Variants in GSK3B observed in about 807,000 individuals in gnomAD.
GSK3B encodes glycogen synthase kinase 3 beta.
In GSK3B, 15 loss-of-function variants were observed where a neutral mutation model predicts 56.4. The ratio of observed to expected loss-of-function variants is 0.27; its 90% CI spans 0.18 to 0.41. The LOEUF (loss-of-function observed/expected upper bound fraction) is 0.41. Ranked by LOEUF, GSK3B falls within the 10% of genes least tolerant of loss-of-function variation. The pLI is 1.00. For synonymous variants in GSK3B, 181 were observed against 188.9 expected (o/e 0.96, Z 0.34); for missense variants, 300 against 513.4 (o/e 0.58, Z 4.02).
chr3:119,967,266 C>T (rs977322167), intron 2 of GSK3B, among the ~76,000 whole-genome samples: 6 of 152,040 alleles, frequency 3.9e-5, no homozygotes, highest in African/African-American at 7.2e-5. Context: ...TTAGTAGAGA[C>T]GGAGTTTCAC....
intron 2 of GSK3B, among the ~76,000 whole-genome samples, chr3:119,952,487 CAAA>C (rs59526500): frequency 2.1e-5 from 2 of 96,222 alleles, no homozygotes; most frequent in Admixed American, 1.1e-4. Context: ...GACTCTGTCT[CAAA>C]AAAAAAAAAA....
intron 1 of GSK3B, among the ~76,000 whole-genome samples, chr3:120,082,320 C>T (rs564096666): frequency 2.0e-5 from 3 of 147,840 alleles, no homozygotes; most frequent in African/African-American, 7.5e-5. Flanking sequence ...CTGTCCAATA[C>T]AATAACCACT....
In GSK3B at chr3:119,921,142, A is replaced by G. The variant is rs181267736; in HGVS notation, c.477+2231T>C. ...ACATAAGATACTTTAAAACAACAAA[A>G]CACCTCATTCATTGGTACCTATGGA... On this transcript the variant is annotated intron_variant, in intron 4 of 10. Coordinates refer to ENST00000264235, the MANE Select transcript of GSK3B (RefSeq NM_001146156.2). Among the ~76,000 whole-genome samples the G allele has an allele frequency of 3.9e-5, 6 of 152,348 alleles. No individual in the cohort carries two copies. In the East Asian group the frequency reaches 7.7e-4, roughly 20 times the overall value.
chr3:119,999,808 G>C (rs1421045786), intron 2 of GSK3B, among the ~76,000 whole-genome samples: 1 of 152,182 alleles, frequency 6.6e-6, no homozygotes. Context: ...AGTGGTCATA[G>C]AGAAGAACAT....
chr3:119,999,952 T>TATGGGCAAGAGAAACAAC, intron 2 of GSK3B, among the ~76,000 whole-genome samples: 2 of 152,342 alleles, frequency 1.3e-5, no homozygotes, highest in Admixed American at 1.3e-4. Context: ...ATAGAAGATT[T>TATGGGCAAGAGAAACAAC]ATGGGCAAGA....
intron 6 of GSK3B, among the ~76,000 whole-genome samples, chr3:119,909,408 T>C (rs1435192778): frequency 1.3e-5 from 2 of 152,194 alleles, no homozygotes; most frequent in East Asian, 3.8e-4. Context: ...AAAGGAATTC[T>C]CTTCAGAAAC....
intron 2 of GSK3B, among the ~76,000 whole-genome samples, chr3:119,961,542 C>T (rs975071494): frequency 9.3e-5 from 14 of 151,050 alleles, no homozygotes; most frequent in African/African-American, 2.7e-4. Flanking sequence ...GCACAAGAAT[C>T]GCTTGAACCC....
intron 2 of GSK3B, among the ~76,000 whole-genome samples, chr3:119,998,059 TA>T (rs11330227): frequency 0.1 from 15,569 of 152,164 alleles, 892 homozygotes; most frequent in Non-Finnish European, 0.11. Flanking sequence ...AAATCAACAA[TA>T]TCTGAAAAGC....
intron 2 of GSK3B, among the ~76,000 whole-genome samples, chr3:119,975,852 T>C (rs997592661): frequency 6.6e-6 from 1 of 152,050 alleles, no homozygotes; most frequent in Non-Finnish European, 1.5e-5. Flanking sequence ...AGAGATGGGG[T>C]TGGAATGAGT....
intron 10 of GSK3B, among the ~76,000 whole-genome samples, chr3:119,828,684 A>ACT (rs1559798736): frequency 2.0e-5 from 3 of 152,192 alleles, no homozygotes; most frequent in African/African-American, 7.2e-5. Flanking sequence ...CACATAGGGA[A>ACT]CTCTATGATG....
intron 1 of GSK3B, among the ~76,000 whole-genome samples, chr3:120,083,083 T>A (rs905970275): frequency 6.6e-6 from 1 of 151,884 alleles, no homozygotes; most frequent in African/African-American, 2.4e-5. Context: ...ATCTAGATAC[T>A]GCAAGGGTGA....
intron 1 of GSK3B, among the ~76,000 whole-genome samples, chr3:120,057,535 C>A (rs2058201009): frequency 6.6e-6 from 1 of 152,142 alleles, no homozygotes. Flanking sequence ...TATATTACAG[C>A]ATTCCATTGT....
intron 1 of GSK3B, among the ~76,000 whole-genome samples, chr3:120,070,841 A>T (rs561246395): frequency 4.4e-4 from 67 of 152,326 alleles, no homozygotes; most frequent in Non-Finnish European, 7.9e-4. Context: ...CGTAGTTCAA[A>T]AGGGCAAAAA....
intron 2 of GSK3B, among the ~76,000 whole-genome samples, chr3:119,964,191 G>C (rs756075749): frequency 6.6e-6 from 1 of 152,034 alleles, no homozygotes; most frequent in African/African-American, 2.4e-5. Flanking sequence ...ATAAGCAAAG[G>C]ACTGGAATAG....
At chr3:119,855,422 G>A (rs1577318004) in intron 9 of GSK3B, among the ~76,000 whole-genome samples, 2 of 152,150 alleles carry the variant, frequency 1.3e-5, no homozygotes, top group African/African-American at 2.4e-5. Flanking sequence ...ACAGTGTGGC[G>A]ATTCCTCAAG....
intron 3 of GSK3B, among the ~76,000 whole-genome samples, chr3:119,946,041 T>G (rs1049729089): frequency 6.6e-6 from 1 of 150,726 alleles, no homozygotes; most frequent in African/African-American, 2.4e-5. Context: ...CTAATACTTA[T>G]GAGGGTTCAC....
chr3:119,828,662 A>C (rs988107653), intron 10 of GSK3B, among the ~76,000 whole-genome samples: 1 of 152,228 alleles, frequency 6.6e-6, no homozygotes, highest in Admixed American at 6.5e-5. Flanking sequence ...GGAGACACAG[A>C]ATATCCAAGG....
At chr3:119,864,603 G>T (rs981781685) in intron 8 of GSK3B, among the ~76,000 whole-genome samples, 3 of 152,170 alleles carry the variant, frequency 2.0e-5, no homozygotes, top group Admixed American at 6.5e-5. Context: ...ATAAATGGAG[G>T]GAAACGGACC....
At chr3:119,845,468 C>T (rs556292966) in intron 9 of GSK3B, among the ~76,000 whole-genome samples, 1 of 152,294 alleles carries the variant, frequency 6.6e-6, no homozygotes, top group Non-Finnish European at 1.5e-5. Flanking sequence ...TCAGCAAAGT[C>T]GCAGGATACA....
Sources: gnomAD v4.1 joint callset for allele counts (sites outside exome capture counted in the v4.1 genomes callset) on GRCh38, gnomAD v4.1.1 for gene constraint, MANE v1.5 for transcripts, NCBI Gene and HGNC (gene_info 2026-07-23, HGNC 2026-07-21) for gene names.